Variants in CCSER1 observed in about 807,000 individuals in gnomAD.
CCSER1 encodes coiled-coil serine rich protein 1, also known as serine-rich coiled-coil domain-containing protein 1.
A neutral mutation model predicts 82.0 loss-of-function variants in CCSER1; 41 were observed. That is an observed-to-expected ratio of 0.50 (90% CI 0.39 to 0.65). CCSER1 has a LOEUF of 0.65. CCSER1 is among the 30% of genes least tolerant of loss of function. CCSER1 has a pLI of 0.00. For synonymous variants in CCSER1, 414 were observed against 383.9 expected, an observed-to-expected ratio of 1.08 and a Z score of -0.92; for missense variants, 1,119 against 1,064.2, an observed-to-expected ratio of 1.05 and a Z score of -0.72.
intron 9 of CCSER1, among the ~76,000 whole-genome samples, chr4:91,060,567 C>T (rs963418112): frequency 6.6e-6 from 1 of 151,996 alleles, no homozygotes; most frequent in East Asian, 1.9e-4. Context: ...AAGTTTTTAA[C>T]CTCTCCAGCT....
intron 8 of CCSER1, among the ~76,000 whole-genome samples, chr4:90,878,851 G>T (rs1471305268): frequency 6.6e-6 from 1 of 152,242 alleles, no homozygotes; most frequent in Non-Finnish European, 1.5e-5. Flanking sequence ...AGTTTTGTGA[G>T]AATTAAGTGA....
intron 3 of CCSER1, among the ~76,000 whole-genome samples, chr4:90,317,467 C>T (rs1736373799): frequency 6.6e-6 from 1 of 151,734 alleles, no homozygotes; most frequent in South Asian, 2.1e-4. Flanking sequence ...TGTAAAAATA[C>T]AAAAATTAGC....
intron 10 of CCSER1, among the ~76,000 whole-genome samples, chr4:91,387,588 A>G (rs767350776): frequency 2.0e-5 from 3 of 152,118 alleles, no homozygotes; most frequent in Non-Finnish European, 2.9e-5. Flanking sequence ...TTTTGTGAGT[A>G]AGATTTCCTT....
At chr4:91,432,700 C>A (rs181285523) in intron 10 of CCSER1, among the ~76,000 whole-genome samples, 238 of 152,058 alleles carry the variant, frequency 1.6e-3, no homozygotes, top group African/African-American at 5.6e-3. Flanking sequence ...GTGAACTTTT[C>A]TTTTTTACTA....
At chr4:91,491,667 A>G (rs1010999669) in intron 10 of CCSER1, among the ~76,000 whole-genome samples, 2 of 152,094 alleles carry the variant, frequency 1.3e-5, no homozygotes, top group Non-Finnish European at 2.9e-5. Context: ...CTTTACAGTT[A>G]TAGCTTTAAA....
At chr4:91,345,493 A>G (rs1578232032) in intron 10 of CCSER1, among the ~76,000 whole-genome samples, 2 of 152,348 alleles carry the variant, frequency 1.3e-5, no homozygotes, top group Admixed American at 1.3e-4. Context: ...AACCTTTGCA[A>G]CAAATTGGAC....
At chr4:91,533,696 T>C (rs1315305710) in intron 10 of CCSER1, among the ~76,000 whole-genome samples, 1 of 152,188 alleles carries the variant, frequency 6.6e-6, no homozygotes, top group East Asian at 1.9e-4. Flanking sequence ...TTTAATGCAG[T>C]TGAGTTCTGT....
chr4:91,579,118 A>T (rs1230218049), intron 10 of CCSER1, among the ~76,000 whole-genome samples: 19 of 150,868 alleles, frequency 1.3e-4, no homozygotes, highest in Admixed American at 1.1e-3. Context: ...TATTATTATT[A>T]TATTATTATT....
At chr4:91,171,445 A>T (rs1023146330) in intron 10 of CCSER1, among the ~76,000 whole-genome samples, 1 of 152,240 alleles carries the variant, frequency 6.6e-6, no homozygotes, top group Non-Finnish European at 1.5e-5. Context: ...TGGCTGAGTC[A>T]CAAAGTAAGC....
At chr4:91,450,950 T>A in intron 10 of CCSER1, among the ~76,000 whole-genome samples, 1 of 152,044 alleles carries the variant, frequency 6.6e-6, no homozygotes, top group Non-Finnish European at 1.5e-5. Context: ...CTTAGTCTGT[T>A]AGGGATACTA....
chr4:90,809,578 T>G (rs1757977515), intron 7 of CCSER1, among the ~76,000 whole-genome samples: 1 of 151,990 alleles, frequency 6.6e-6, no homozygotes, highest in Non-Finnish European at 1.5e-5. Context: ...ACCTATTGGG[T>G]ACAATGTACA....
At chr4:90,854,528 T>C (rs528470695) in intron 8 of CCSER1, among the ~76,000 whole-genome samples, 1 of 152,338 alleles carries the variant, frequency 6.6e-6, no homozygotes, top group Admixed American at 6.5e-5. Flanking sequence ...GATTTTTTAA[T>C]GTCTACTACA....
chr4:90,432,589 C>CTT (rs1758442348), intron 4 of CCSER1, among the ~76,000 whole-genome samples: 1 of 151,378 alleles, frequency 6.6e-6, no homozygotes, highest in Non-Finnish European at 1.5e-5. Context: ...CTCTCTCTCT[C>CTT]TCTTTCTTTC....
intron 1 of CCSER1, among the ~76,000 whole-genome samples, chr4:90,129,897 A>C (rs1202379652): frequency 6.6e-6 from 1 of 152,226 alleles, no homozygotes; most frequent in Non-Finnish European, 1.5e-5. Flanking sequence ...CAACTATCCC[A>C]AACTATTTGA....
chr4:91,521,200 C>CT (rs2110140793), intron 10 of CCSER1, among the ~76,000 whole-genome samples: 1 of 152,276 alleles, frequency 6.6e-6, no homozygotes, highest in African/African-American at 2.4e-5. Context: ...CATGTCCCTG[C>CT]AAAGGACATG....
chr4:90,737,939 C>A (rs1372259470), intron 7 of CCSER1, among the ~76,000 whole-genome samples: 1 of 152,116 alleles, frequency 6.6e-6, no homozygotes, highest in African/African-American at 2.4e-5. Context: ...CTGCTTGATT[C>A]TTTTTAATTA....
chr4:90,320,532 TG>T (rs1736956070), intron 3 of CCSER1, among the ~76,000 whole-genome samples: 1 of 152,160 alleles, frequency 6.6e-6, no homozygotes, highest in African/African-American at 2.4e-5. Context: ...AGTTATAAAC[TG>T]GCCATACAAT....
At chr4:91,015,832 A>G (rs974357090) in intron 9 of CCSER1, among the ~76,000 whole-genome samples, 2 of 151,978 alleles carry the variant, frequency 1.3e-5, no homozygotes, top group Non-Finnish European at 2.9e-5. Flanking sequence ...GTTCTTGTAA[A>G]TTGTTGTTTT....
intron 5 of CCSER1, among the ~76,000 whole-genome samples, chr4:90,558,534 G>C (rs1778384892): frequency 6.6e-6 from 1 of 151,856 alleles, no homozygotes; most frequent in Admixed American, 6.6e-5. Flanking sequence ...CTATAGATAA[G>C]TCCATAGACT....
Sources: allele counts gnomAD v4.1 joint callset (sites outside exome capture counted in the v4.1 genomes callset), GRCh38; gene constraint gnomAD v4.1.1; transcripts MANE v1.5; gene names NCBI Gene and HGNC (gene_info 2026-07-23, HGNC 2026-07-21).